Variants in ANKS1B observed in about 807,000 individuals in gnomAD.
The protein encoded by ANKS1B is ankyrin repeat and sterile alpha motif domain containing 1B.
ANKS1B carries 36 observed loss-of-function variants against 148.3 expected under a neutral mutation model. That is an observed-to-expected ratio of 0.24 (90% CI 0.19 to 0.32). The LOEUF is 0.32. Ranked by LOEUF, ANKS1B falls within the 10% of genes least tolerant of loss-of-function variation. ANKS1B has a pLI of 1.00. For synonymous variants in ANKS1B, 542 were observed against 560.8 expected (o/e 0.97, Z 0.47); for missense variants, 1,157 against 1,542.6 (o/e 0.75, Z 4.19).
chr12:98,799,490 C>T (rs1017731519), intron 21 of ANKS1B, among the ~76,000 whole-genome samples: 5 of 128,146 alleles, frequency 3.9e-5, no homozygotes, highest in African/African-American at 1.5e-4. Context: ...TCATTCACAG[C>T]TGTGTGCCCT....
chr12:99,704,463 G>T (rs2055388090), intron 8 of ANKS1B, among the ~76,000 whole-genome samples: 1 of 152,084 alleles, frequency 6.6e-6, no homozygotes, highest in Non-Finnish European at 1.5e-5. Context: ...TCTAGAAATA[G>T]AAATATATAC....
chr12:99,409,882 A>G (rs2094634866), intron 11 of ANKS1B, among the ~76,000 whole-genome samples: 1 of 152,252 alleles, frequency 6.6e-6, no homozygotes. Context: ...CTGAAATTAC[A>G]TATTGAATTT....
At chr12:99,948,465 T>G (rs1317158205) in intron 1 of ANKS1B, among the ~76,000 whole-genome samples, 3 of 152,216 alleles carry the variant, frequency 2.0e-5, no homozygotes, top group Admixed American at 6.5e-5. Context: ...CATTTTAATT[T>G]AGATACAAAG....
chr12:99,214,248 C>T (rs1027253365), intron 14 of ANKS1B, among the ~76,000 whole-genome samples: 4 of 152,080 alleles, frequency 2.6e-5, no homozygotes, highest in Non-Finnish European at 4.4e-5. Context: ...TTTAAGCGTA[C>T]ATGGGAAATA....
chr12:99,886,180 T>G (rs1236766721), intron 1 of ANKS1B, among the ~76,000 whole-genome samples: 1 of 152,256 alleles, frequency 6.6e-6, no homozygotes, highest in African/African-American at 2.4e-5. Flanking sequence ...GTTTTTTGAT[T>G]CTTAAATAAT....
At chr12:99,511,394 A>G (rs957085525) in intron 9 of ANKS1B, among the ~76,000 whole-genome samples, 8 of 151,998 alleles carry the variant, frequency 5.3e-5, no homozygotes, top group African/African-American at 1.4e-4. Flanking sequence ...ACTACAAACC[A>G]CTGTTCAAGG....
intron 10 of ANKS1B, among the ~76,000 whole-genome samples, chr12:99,494,761 A>G (rs1298711959): frequency 6.9e-6 from 1 of 145,886 alleles, no homozygotes; most frequent in Non-Finnish European, 1.5e-5. Flanking sequence ...AAAAAGGACA[A>G]TTAAAATTAT....
chr12:99,059,245 GT>G (rs1397095537), intron 16 of ANKS1B, among the ~76,000 whole-genome samples: 2 of 152,146 alleles, frequency 1.3e-5, no homozygotes, highest in East Asian at 3.9e-4. Flanking sequence ...CTACCCCTTG[GT>G]GAAGAAATGA....
intron 9 of ANKS1B, among the ~76,000 whole-genome samples, chr12:99,629,480 A>G (rs530261333): frequency 3.3e-5 from 5 of 152,268 alleles, no homozygotes; most frequent in Admixed American, 3.3e-4. Context: ...CTTATTGAGC[A>G]TTTACTGTGT....
intron 9 of ANKS1B, among the ~76,000 whole-genome samples, chr12:99,552,542 G>GCCTGT (rs2097231267): frequency 6.6e-6 from 1 of 152,160 alleles, no homozygotes; most frequent in Non-Finnish European, 1.5e-5. Flanking sequence ...AAATGAACAT[G>GCCTGT]GCATCCTGCC....
intron 19 of ANKS1B, among the ~76,000 whole-genome samples, chr12:98,814,502 T>G (rs2099123761): frequency 6.6e-6 from 1 of 152,232 alleles, no homozygotes; most frequent in Non-Finnish European, 1.5e-5. Context: ...CGGTTAATTG[T>G]ACCAGAAACT....
chr12:99,184,976 TA>T (rs1272059736), intron 14 of ANKS1B, among the ~76,000 whole-genome samples: 1 of 152,222 alleles, frequency 6.6e-6, no homozygotes, highest in Non-Finnish European at 1.5e-5. Context: ...ATTGGATAAT[TA>T]AAGACAATTC....
intron 9 of ANKS1B, among the ~76,000 whole-genome samples, chr12:99,545,466 T>C (rs1031252451): frequency 2.0e-5 from 3 of 152,066 alleles, no homozygotes; most frequent in Non-Finnish European, 2.9e-5. Flanking sequence ...TAAGCCTCTC[T>C]GGGTTTTGTT....
At chr12:99,510,561 T>A (rs765789922) in intron 9 of ANKS1B, among the ~76,000 whole-genome samples, 1 of 152,002 alleles carries the variant, frequency 6.6e-6, no homozygotes, top group Non-Finnish European at 1.5e-5. Flanking sequence ...AATCCCATGA[T>A]AAAACTTGAA....
chr12:99,129,735 T>C (rs935640109), intron 15 of ANKS1B, among the ~76,000 whole-genome samples: 1 of 152,210 alleles, frequency 6.6e-6, no homozygotes, highest in Non-Finnish European at 1.5e-5. Flanking sequence ...AAGGTAATAC[T>C]GCCTGGATAA....
At chr12:99,673,271 C>A (rs1567614306) in intron 8 of ANKS1B, among the ~76,000 whole-genome samples, 1 of 151,920 alleles carries the variant, frequency 6.6e-6, no homozygotes, top group African/African-American at 2.4e-5. Context: ...TCTTTTAATT[C>A]CAAGGAAAAA....
At chr12:99,956,699 C>T (rs2153828085) in intron 1 of ANKS1B, among the ~76,000 whole-genome samples, 1 of 152,304 alleles carries the variant, frequency 6.6e-6, no homozygotes, top group Non-Finnish European at 1.5e-5. Context: ...CTGGTCAGTG[C>T]TTGTGCCTCA....
chr12:99,788,600 G>A (rs1412260685), intron 4 of ANKS1B, among the ~76,000 whole-genome samples: 2 of 152,106 alleles, frequency 1.3e-5, no homozygotes, highest in Non-Finnish European at 2.9e-5. Context: ...AAAGTAAAGG[G>A]GCCTTTGCCT....
chr12:99,278,404 G>T (rs532464091), intron 12 of ANKS1B, among the ~76,000 whole-genome samples: 1 of 152,290 alleles, frequency 6.6e-6, no homozygotes, highest in African/African-American at 2.4e-5. Flanking sequence ...GAAAATATTT[G>T]CTATTATGAT....
Sources: gnomAD v4.1 joint callset for allele counts (sites outside exome capture counted in the v4.1 genomes callset) on GRCh38, gnomAD v4.1.1 for gene constraint, MANE v1.5 for transcripts, NCBI Gene and HGNC (gene_info 2026-07-23, HGNC 2026-07-21) for gene names.